EIF3A: variants seen among roughly 807,000 people sequenced by gnomAD.
The protein encoded by EIF3A is eukaryotic translation initiation factor 3 subunit A.
In EIF3A, 21 loss-of-function variants were observed where a neutral mutation model predicts 186.6. The observed-to-expected ratio is 0.11, with a 90% CI of 0.08 to 0.16. The LOEUF (loss-of-function observed/expected upper bound fraction) is 0.16, where lower values mean the gene tolerates loss of function less well. Among genes scored for constraint, EIF3A ranks in the 10% least tolerant of loss-of-function variants. The pLI, the probability that EIF3A is intolerant of heterozygous loss-of-function variation, is 1.00. For synonymous variants in EIF3A, 563 were observed against 584.3 expected, an observed-to-expected ratio of 0.96 and a Z score of 0.52; for missense variants, 1,306 against 1,796.3, an observed-to-expected ratio of 0.73 and a Z score of 4.93.
Position 119,059,332 on chromosome 10 carries a change from T to A in EIF3A, c.1509A>T (p.Glu503Asp), listed in dbSNP as rs893210167. ...GCAAATGAGGACCAATCGGAGCATC[T>A]TCTCGAGTAGCATAATTCAAATCAG... ...FGSDLNYATR[E>D]DAPIGPHLQS... Residue 503 changes from glutamate to aspartate, a missense_variant, in exon 11 of 22, where the codon GAA (glutamate) becomes GAT (aspartate). Physicochemically the swap from Glu to Asp is conservative, Grantham distance 45. Coordinates refer to ENST00000369144, the MANE Select transcript of EIF3A (RefSeq NM_003750.4). The A allele has an allele frequency of 5.0e-6, 8 of 1,613,108 alleles. No individual in the cohort carries two copies. The highest frequency in any genetic ancestry group is 6.8e-6 in the Non-Finnish European group (8 of 1,179,646).
intron 11 of EIF3A, among the ~76,000 whole-genome samples, chr10:119,058,647 C>T (rs1045951556): frequency 1.3e-5 from 2 of 152,222 alleles, no homozygotes; most frequent in Admixed American, 1.3e-4. Flanking sequence ...TTTTGGGAGG[C>T]CAAGGCGGGT....
At position 119,049,883 on chromosome 10, in the gene EIF3A, C is replaced by T. The variant is rs1346245231; in HGVS notation, c.2576G>A (p.Arg859His). ...TTCTTCAATTTCCAACTCCCTTTGG[C>T]GTTTTTTCCTTTCCACTTCTTCTAA... ...KKLEEVERKK[R>H]QRELEIEERE... Residue 859 changes from arginine (R) to histidine (H), a missense_variant, in exon 17 of 22, where the codon CGC becomes CAC. By Grantham distance (29) the Arg-to-His change is conservative. Transcript: ENST00000369144. The T allele has an allele frequency of 1.2e-6, 2 of 1,614,186 alleles. No homozygotes were observed. The highest frequency in any genetic ancestry group is 1.7e-5 in the Admixed American group (1 of 60,020).
chr10:119,069,729 C>A (rs527290715), intron 5 of EIF3A, 75 bp from the exon 6 acceptor site: 31 of 767,732 alleles, frequency 4.0e-5, no homozygotes, highest in Non-Finnish European at 6.6e-5. Flanking sequence ...TTCTATGAAA[C>A]CTACAACACA....
chr10:119,046,106 GAAAC>G (rs1848280183), intron 17 of EIF3A, among the ~76,000 whole-genome samples: 1 of 152,106 alleles, frequency 6.6e-6, no homozygotes, highest in African/African-American at 2.4e-5. Context: ...AGGCCAAAAA[GAAAC>G]AAAGATACCA....
At position 119,055,461 on chromosome 10, in the gene EIF3A, G is replaced by A. The variant is rs116995439; in HGVS notation, c.2196+1279C>T. On this transcript the variant is annotated intron_variant, in intron 14 of 21. Transcript: ENST00000369144. Reference sequence around the variant, plus strand: ...AATACTTTGAGAATTACCAAAATGTGACAGAGACATGAAATGAGCACATGC... The same window carrying A: ...AATACTTTGAGAATTACCAAAATGTAACAGAGACATGAAATGAGCACATGC... Among the ~76,000 whole-genome samples, 488 of 152,314 alleles carry A rather than the reference G, an allele frequency of 3.2e-3. 14 individuals carry two copies. The East Asian group carries it at 0.067, about 21-fold the overall frequency.
At chr10:119,043,221 C>T (rs1848238409) in intron 18 of EIF3A, among the ~76,000 whole-genome samples, 1 of 152,050 alleles carries the variant, frequency 6.6e-6, no homozygotes, top group African/African-American at 2.4e-5. Flanking sequence ...GAGTTCAAGA[C>T]CAGCCTGGCC....
At position 119,042,452 on chromosome 10, in the gene EIF3A, T is replaced by C. The variant is rs765798154; in HGVS notation, c.3068A>G (p.Asp1023Gly). 14 of 1,613,992 alleles carry C rather than the reference T, an allele frequency of 8.7e-6. No individual in the cohort carries two copies. The highest frequency in any genetic ancestry group is 1.6e-4 in the Middle Eastern group (1 of 6,082). The part of the protein sequence containing the change: ...DDDRPPRRGL[D>G]EDRGSWRTAD... Reference sequence around the variant, plus strand: ...TGTTCGCCAGCTTCCTCTGTCCTCATCCAGTCCTCGTCTAGGTGGTCTGTC... The same window carrying C: ...TGTTCGCCAGCTTCCTCTGTCCTCACCCAGTCCTCGTCTAGGTGGTCTGTC... The change falls in exon 19 of 22, where the codon GAT becomes GGT. Residue 1023 changes from aspartate (D) to glycine (G), a missense_variant. Physicochemically the swap from Asp to Gly is moderately conservative, Grantham distance 94 (BLOSUM62 -1). Around this residue, in one of 8 missense-constraint regions of EIF3A, gnomAD observed 410 missense variants for 473.5 expected, o/e 0.87. Transcript: ENST00000369144. This position sits in a 1 kb window ranked among gnomAD's most constrained non-coding sequence, Gnocchi z 7.8.
chr10:119,042,611 C>T lies in EIF3A; in HGVS notation c.2909G>A (p.Arg970His), dbSNP rs555999896. 8.1e-6 allele frequency: 13 copies of T among 1,614,184 alleles called. No homozygotes were observed. In the South Asian group the frequency reaches 1.3e-4, roughly 16 times the overall value. ...RGMDDDRGPR[R>H]GPEEDRFSRR... ...AGAGAACCTATCTTCCTCAGGACCACGTCTAGGGCCTCTGTCATCATCCAT... is the reference window on the plus strand; with the variant it reads ...AGAGAACCTATCTTCCTCAGGACCATGTCTAGGGCCTCTGTCATCATCCAT... The change falls in exon 19 of 22, where the codon CGT becomes CAT. Residue 970 changes from arginine to histidine, a missense_variant. By Grantham distance (29) the Arg-to-His change is conservative (BLOSUM62 0). This residue lies in a region of EIF3A where 410 missense variants were observed against 473.5 expected (regional missense o/e 0.87). Coordinates refer to ENST00000369144, the MANE Select transcript of EIF3A (RefSeq NM_003750.4). The surrounding 1 kb of genome is among the most constrained non-coding windows in gnomAD (Gnocchi z 7.8).
At chr10:119,059,083 A>G in intron 11 of EIF3A, 129 bp downstream of exon 11, 1 of 763,412 alleles carries the variant, frequency 1.3e-6, no homozygotes, top group South Asian at 1.7e-5. Context: ...TACCAAGTAC[A>G]ATTCTATAGG....
At chr10:119,059,744 A>T (rs1173310446) in intron 9 of EIF3A, 26 bp from the exon 10 acceptor site, 1 of 1,424,048 alleles carries the variant, frequency 7.0e-7, no homozygotes, top group East Asian at 2.3e-5. Context: ...AGGGTTAATA[A>T]CACTAGCCAC....
intron 14 of EIF3A, among the ~76,000 whole-genome samples, chr10:119,051,638 C>T (rs1050724752): frequency 6.6e-6 from 1 of 152,124 alleles, no homozygotes; most frequent in Non-Finnish European, 1.5e-5. Context: ...TCTAGACCAC[C>T]ACAATAAAGA....
chr10:119,068,793 TAAA>T (rs1844023073), intron 6 of EIF3A, among the ~76,000 whole-genome samples: 2 of 151,238 alleles, frequency 1.3e-5, no homozygotes, highest in Non-Finnish European at 2.9e-5. Context: ...GCCAATATGG[TAAA>T]ACTCTGTCTC....
At chr10:119,063,707 T>C (rs555455664) in intron 7 of EIF3A, among the ~76,000 whole-genome samples, 2 of 152,310 alleles carry the variant, frequency 1.3e-5, no homozygotes, top group East Asian at 1.9e-4. Context: ...AACTTCTGCC[T>C]TCAGTTTCAC....
At chr10:119,074,311 A>G (rs1177630422) in intron 1 of EIF3A, among the ~76,000 whole-genome samples, 1 of 152,042 alleles carries the variant, frequency 6.6e-6, no homozygotes, top group African/African-American at 2.4e-5. Context: ...CCAAAAATAC[A>G]AAAATTAGCC....
chr10:119,069,231 G>A (rs1465101999), intron 6 of EIF3A, among the ~76,000 whole-genome samples: 2 of 151,934 alleles, frequency 1.3e-5, no homozygotes, highest in Non-Finnish European at 2.9e-5. Context: ...ACAACTGGCG[G>A]TGGTTGCTAC....
At chr10:119,038,841 C>CTT (rs1411980380) in intron 19 of EIF3A, among the ~76,000 whole-genome samples, 1 of 152,100 alleles carries the variant, frequency 6.6e-6, no homozygotes. Flanking sequence ...ATGAGAACTG[C>CTT]TTGAACCTGG....
chr10:119,038,245 T>C lies in EIF3A; in HGVS notation c.3721A>G (p.Arg1241Gly). Residue 1241 changes from arginine to glycine, a missense_variant, in exon 20 of 22, where the codon AGA becomes GGA. Coordinates refer to ENST00000369144, the MANE Select transcript of EIF3A (RefSeq NM_003750.4). ...TTAATTAGAGCATCACACCTAGGTCTTCTGAAGCGATCCTCTCGATCCACA... is the reference window on the plus strand; with the variant it reads ...TTAATTAGAGCATCACACCTAGGTCCTCTGAAGCGATCCTCTCGATCCACA... Reference protein sequence around the residue: ...RDVDREDRFRRPRDEGGWRRG... With the variant: ...RDVDREDRFRGPRDEGGWRRG... 1 of 1,613,804 alleles carries C rather than the reference T, an allele frequency of 6.2e-7. No individual in the cohort carries two copies.
intron 6 of EIF3A, among the ~76,000 whole-genome samples, chr10:119,067,642 A>C (rs1309470237): frequency 6.6e-6 from 1 of 152,214 alleles, no homozygotes; most frequent in South Asian, 2.1e-4. Flanking sequence ...AGAACAAAGA[A>C]GAGAAAGAAA....
At chr10:119,072,041 A>AAAG (rs1844082558) in intron 4 of EIF3A, among the ~76,000 whole-genome samples, 1 of 131,292 alleles carries the variant, frequency 7.6e-6, no homozygotes, top group South Asian at 2.1e-4. Context: ...AAAAAAAAAA[A>AAAG]AAAAAGAAAG....
Sources: allele counts gnomAD v4.1 joint callset (sites outside exome capture counted in the v4.1 genomes callset), GRCh38; gene constraint gnomAD v4.1.1; regional missense constraint gnomAD v4.1.1; non-coding constraint Gnocchi (gnomAD v3.1); transcripts MANE v1.5; gene names NCBI Gene and HGNC (gene_info 2026-07-23, HGNC 2026-07-21).